The following AGMO variants were observed in gnomAD, a reference collection of about 807,000 sequenced individuals.
AGMO encodes alkylglycerol monooxygenase.
A neutral mutation model predicts 60.2 loss-of-function variants in AGMO; 75 were observed. The observed-to-expected ratio is 1.25, with a 90% CI of 1.03 to 1.51. AGMO has a LOEUF of 1.51. Ranked by LOEUF, AGMO falls within the 40% of genes most tolerant of loss-of-function variation. The probability of loss-of-function intolerance (pLI) is 0.00; values close to 1 mark genes in which losing one functional copy is unlikely to be tolerated. For missense variants in AGMO, 763 were observed against 525.5 expected, an observed-to-expected ratio of 1.45 and a Z score of -4.42; for synonymous variants, 261 against 177.1, an observed-to-expected ratio of 1.47 and a Z score of -3.76.
chr7:15,340,232 C>A (rs188600639), intron 12 of AGMO, among the ~76,000 whole-genome samples: 1 of 152,176 alleles, frequency 6.6e-6, no homozygotes, highest in Non-Finnish European at 1.5e-5. Context: ...GCACGTTACA[C>A]ACCTGCAGTT....
intron 12 of AGMO, among the ~76,000 whole-genome samples, chr7:15,354,605 TGAGA>T (rs932888623): frequency 2.7e-4 from 37 of 137,692 alleles, no homozygotes; most frequent in African/African-American, 7.7e-4. Flanking sequence ...TGATACATCT[TGAGA>T]AAGACTATAC....
rs1033455760 is a variant in AGMO at position 15,402,421 on chromosome 7, T to G, written c.610-8242A>C. On this transcript the variant is annotated intron_variant, in intron 5 of 12. Transcript: ENST00000342526. ...GTGTGCATATGTACAAAAATTTATT[T>G]GGAAAGATCTTTATAATTCACTATA... Among the ~76,000 whole-genome samples, 12 of 151,812 alleles carry G rather than the reference T, an allele frequency of 7.9e-5. No individual in the cohort carries two copies. In the East Asian group the frequency reaches 2.1e-3, roughly 27 times the overall value.
At chr7:15,120,080 A>T in the AGMO span, among the ~76,000 whole-genome samples, 16 of 152,106 alleles carry the variant, frequency 1.1e-4, no homozygotes, top group African/African-American at 3.9e-4. Flanking sequence ...CCGTTGACAT[A>T]GACAGTATGC....
intron 12 of AGMO, among the ~76,000 whole-genome samples, chr7:15,353,956 C>A (rs892963192): frequency 6.6e-6 from 1 of 152,086 alleles, no homozygotes; most frequent in African/African-American, 2.4e-5. Context: ...AAAACCCATA[C>A]AAAGCCAATA....
intron 12 of AGMO, among the ~76,000 whole-genome samples, chr7:15,298,713 A>AT (rs1784472658): frequency 6.6e-6 from 1 of 152,116 alleles, no homozygotes; most frequent in Non-Finnish European, 1.5e-5. Context: ...ATGTTTTTCT[A>AT]TATCAAGCCA....
Position 15,232,513 on chromosome 7 carries a change from T to A in AGMO, c.1264-31154A>T, listed in dbSNP as rs373544946. 3.9e-5 allele frequency among the ~76,000 whole-genome samples: 6 copies of A among 152,278 alleles called. No homozygotes were observed. In the East Asian group the frequency reaches 7.7e-4, roughly 20 times the overall value. On this transcript the variant is annotated intron_variant, in intron 12 of 12. Coordinates refer to ENST00000342526, the MANE Select transcript of AGMO (RefSeq NM_001004320.2). ...ATGTGAGCCTTGCACCACTGCTAAT[T>A]TGATGGACAAGAGGATTGGAGAAGA...
chr7:15,200,134 A>G (rs1445061558), downstream of AGMO, among the ~76,000 whole-genome samples: 1 of 151,870 alleles, frequency 6.6e-6, no homozygotes, highest in Non-Finnish European at 1.5e-5. Flanking sequence ...ATTAAATTTT[A>G]TTATTAAATT....
At chr7:15,331,305 T>C (rs1781492901) in intron 12 of AGMO, among the ~76,000 whole-genome samples, 1 of 152,212 alleles carries the variant, frequency 6.6e-6, no homozygotes, top group African/African-American at 2.4e-5. Context: ...AAAATGATTA[T>C]TACGGCTTAA....
chr7:15,261,884 G>T (rs751929520), intron 12 of AGMO, among the ~76,000 whole-genome samples: 8 of 151,766 alleles, frequency 5.3e-5, no homozygotes, highest in Admixed American at 1.3e-4. Context: ...CACATAAAGA[G>T]AATTAAAAAC....
At chr7:15,454,024 T>C (rs1309841294) in intron 3 of AGMO, among the ~76,000 whole-genome samples, 3 of 148,552 alleles carry the variant, frequency 2.0e-5, no homozygotes, top group Non-Finnish European at 4.5e-5. Context: ...AATATGTTTA[T>C]ATATTTTTTA....
At chr7:15,231,989 T>C (rs1374265383) in intron 12 of AGMO, among the ~76,000 whole-genome samples, 1 of 152,224 alleles carries the variant, frequency 6.6e-6, no homozygotes, top group African/African-American at 2.4e-5. Context: ...AAAATGCTCT[T>C]TAAAATTGCT....
At chr7:15,350,368 TAG>T (rs1032519025) in intron 12 of AGMO, among the ~76,000 whole-genome samples, 2 of 152,130 alleles carry the variant, frequency 1.3e-5, no homozygotes, top group Non-Finnish European at 2.9e-5. Context: ...AAATCCACAT[TAG>T]GTTTTAATCT....
chr7:15,342,611 A>C (rs1198161245), intron 12 of AGMO, among the ~76,000 whole-genome samples: 1 of 151,878 alleles, frequency 6.6e-6, no homozygotes, highest in Non-Finnish European at 1.5e-5. Flanking sequence ...CAGAATGGAA[A>C]TATCTTGACT....
intron 12 of AGMO, among the ~76,000 whole-genome samples, chr7:15,299,778 A>G (rs1307770164): frequency 6.6e-6 from 1 of 151,274 alleles, no homozygotes; most frequent in Non-Finnish European, 1.5e-5. Context: ...CAGTGAGCCA[A>G]TATTGAGCCA....
chr7:15,342,637 T>A (rs1781891840), intron 12 of AGMO, among the ~76,000 whole-genome samples: 1 of 151,806 alleles, frequency 6.6e-6, no homozygotes, highest in Non-Finnish European at 1.5e-5. Flanking sequence ...ATTTCGGCTT[T>A]CTCTCCTGAT....
intron 3 of AGMO, among the ~76,000 whole-genome samples, chr7:15,505,600 C>G (rs903077937): frequency 6.6e-6 from 1 of 151,874 alleles, no homozygotes; most frequent in Non-Finnish European, 1.5e-5. Context: ...TTTTGTTACA[C>G]AGTTGTGAAA....
At chr7:15,342,329 A>C (rs943366627) in intron 12 of AGMO, among the ~76,000 whole-genome samples, 4 of 152,042 alleles carry the variant, frequency 2.6e-5, no homozygotes, top group Non-Finnish European at 4.4e-5. Context: ...CAGAAAACAA[A>C]GGAGGGAAAG....
At chr7:15,293,299 T>C (rs1784324820) in intron 12 of AGMO, among the ~76,000 whole-genome samples, 3 of 152,084 alleles carry the variant, frequency 2.0e-5, no homozygotes, top group Non-Finnish European at 4.4e-5. Context: ...TGGATAATTC[T>C]TACAATGAAA....
rs192564955 is a variant in AGMO at position 15,240,874 on chromosome 7, A to G, written c.1264-39515T>C. Among the ~76,000 whole-genome samples, 12 of 151,974 alleles carry G rather than the reference A, an allele frequency of 7.9e-5. No individual in the cohort carries two copies. In the East Asian group the frequency reaches 2.3e-3, roughly 29 times the overall value. On this transcript the variant is annotated intron_variant, in intron 12 of 12. Coordinates refer to ENST00000342526, the MANE Select transcript of AGMO (RefSeq NM_001004320.2). ...AACATCTAGGTGATTTTTTTTTCCA[A>G]TATGAGAAAGCTAGTTCAGTGGAGT... is the stretch of plus-strand genomic sequence containing the variant.
Sources: gnomAD v4.1 joint callset for allele counts (sites outside exome capture counted in the v4.1 genomes callset) on GRCh38, gnomAD v4.1.1 for gene constraint, MANE v1.5 for transcripts, NCBI Gene and HGNC (gene_info 2026-07-23, HGNC 2026-07-21) for gene names.